The following RANBP2 variants were observed in gnomAD, a reference collection of about 807,000 sequenced individuals.
The protein encoded by RANBP2 is E3 SUMO-protein ligase RanBP2.
In RANBP2, 57 loss-of-function variants were observed where a neutral mutation model predicts 303.6. That is an observed-to-expected ratio of 0.19 (90% CI 0.15 to 0.23). The LOEUF (loss-of-function observed/expected upper bound fraction) is 0.23, where lower values mean the gene tolerates loss of function less well. RANBP2 is among the 10% of genes least tolerant of loss of function. RANBP2 has a pLI of 1.00. For synonymous variants in RANBP2, 1,167 were observed against 1,301.5 expected, an observed-to-expected ratio of 0.90 and a Z score of 2.23; for missense variants, 3,138 against 3,780.8, an observed-to-expected ratio of 0.83 and a Z score of 4.46.
At chr2:109,695,378 A>G in the RANBP2 span, among the ~76,000 whole-genome samples, 4 of 152,260 alleles carry the variant, frequency 2.6e-5, no homozygotes, top group Middle Eastern at 6.8e-3. Flanking sequence ...TTGGATACTA[A>G]TTTTGAGACT....
chr2:109,614,100 C>T, the RANBP2 span: 1 of 1,210,404 alleles, frequency 8.3e-7, no homozygotes, highest in Non-Finnish European at 1.0e-6. Flanking sequence ...GACTGAGCGT[C>T]AGCGTTGGGG....
the RANBP2 span, among the ~76,000 whole-genome samples, chr2:109,399,916 C>G: frequency 6.6e-6 from 1 of 152,188 alleles, no homozygotes; most frequent in African/African-American, 2.4e-5. Context: ...GTGCCCACTC[C>G]ATTTCTCCCT....
chr2:109,136,702 A>T, the RANBP2 span, among the ~76,000 whole-genome samples: 357 of 152,298 alleles, frequency 2.3e-3, 10 homozygotes, highest in South Asian at 0.03. Context: ...GCAAACGAAG[A>T]TATGATGGTA....
chr2:109,147,581 A>G, the RANBP2 span, among the ~76,000 whole-genome samples: 2 of 152,230 alleles, frequency 1.3e-5, no homozygotes, highest in African/African-American at 2.4e-5. Flanking sequence ...GGCCTAGTCA[A>G]TTATTCAGGA....
chr2:109,691,118 A>C, the RANBP2 span, among the ~76,000 whole-genome samples: 1 of 152,206 alleles, frequency 6.6e-6, no homozygotes, highest in Non-Finnish European at 1.5e-5. Flanking sequence ...CTTGAGGCTA[A>C]AAATACGTAG....
At chr2:109,441,132 C>CAAAAAAAAAA in the RANBP2 span, among the ~76,000 whole-genome samples, 151 of 134,004 alleles carry the variant, frequency 1.1e-3, no homozygotes, top group African/African-American at 2.7e-3. Flanking sequence ...TATAGGAATA[C>CAAAAAAAAAA]AAAAAAAAAA....
the RANBP2 span, among the ~76,000 whole-genome samples, chr2:109,059,317 T>C: frequency 6.6e-6 from 1 of 152,146 alleles, no homozygotes; most frequent in Non-Finnish European, 1.5e-5. Context: ...GGCTCACGCC[T>C]GTAATCCCAA....
At chr2:109,698,480 CATAA>C in the RANBP2 span, among the ~76,000 whole-genome samples, 1 of 149,910 alleles carries the variant, frequency 6.7e-6, no homozygotes, top group Non-Finnish European at 1.5e-5. Flanking sequence ...AAAAAAAATA[CATAA>C]ATAAATAAAT....
the RANBP2 span, among the ~76,000 whole-genome samples, chr2:109,234,742 G>C: frequency 6.6e-6 from 1 of 152,322 alleles, no homozygotes; most frequent in Non-Finnish European, 1.5e-5. Flanking sequence ...CTGTGTGGGA[G>C]CAGCACACAC....
At chr2:109,035,845 A>G in the RANBP2 span, among the ~76,000 whole-genome samples, 1 of 152,210 alleles carries the variant, frequency 6.6e-6, no homozygotes, top group African/African-American at 2.4e-5. Flanking sequence ...ACTTCTTAAC[A>G]TCATAAACAC....
chr2:109,312,319 C>G, the RANBP2 span, among the ~76,000 whole-genome samples: 5 of 152,290 alleles, frequency 3.3e-5, no homozygotes, highest in East Asian at 9.7e-4. Context: ...TGGCTTGCTC[C>G]TCTTTCTAAT....
At chr2:109,280,140 A>G in the RANBP2 span, among the ~76,000 whole-genome samples, 1 of 152,104 alleles carries the variant, frequency 6.6e-6, no homozygotes, top group Non-Finnish European at 1.5e-5. Context: ...TCTTGCTGCA[A>G]TGCTGTCAGA....
the RANBP2 span, among the ~76,000 whole-genome samples, chr2:108,927,708 C>T: frequency 6.6e-6 from 1 of 152,134 alleles, no homozygotes; most frequent in Non-Finnish European, 1.5e-5. Context: ...TGGATCTCTG[C>T]CTGGAGGTTC....
the RANBP2 span, among the ~76,000 whole-genome samples, chr2:109,554,579 T>C: frequency 6.6e-6 from 1 of 152,174 alleles, no homozygotes; most frequent in Non-Finnish European, 1.5e-5. Context: ...GCTTACAGCT[T>C]TGGGATGAAG....
chr2:109,396,753 C>T, the RANBP2 span, among the ~76,000 whole-genome samples: 1 of 151,998 alleles, frequency 6.6e-6, no homozygotes, highest in Non-Finnish European at 1.5e-5. Context: ...GCCTCACATG[C>T]AAGGGCTTAG....
chr2:109,527,337 G>A, the RANBP2 span, among the ~76,000 whole-genome samples: 2 of 152,218 alleles, frequency 1.3e-5, no homozygotes, highest in Non-Finnish European at 2.9e-5. Context: ...GCAGAACATG[G>A]TATGTTAGGA....
chr2:109,217,407 C>CTTGA, the RANBP2 span, among the ~76,000 whole-genome samples: 1 of 152,238 alleles, frequency 6.6e-6, no homozygotes, highest in African/African-American at 2.4e-5. Flanking sequence ...TCACCCTGAT[C>CTTGA]TTGACCTTAG....
the RANBP2 span, among the ~76,000 whole-genome samples, chr2:109,497,162 T>C: frequency 0.26 from 39,208 of 152,200 alleles, 5,410 homozygotes; most frequent in East Asian, 0.5. Flanking sequence ...TCATTCGTTA[T>C]AGCCATAAAC....
At chr2:109,124,630 T>C in the RANBP2 span, 1 of 152,208 alleles carries the variant, frequency 6.6e-6, no homozygotes, top group Non-Finnish European at 1.5e-5. Context: ...TTTTAAAAAT[T>C]GTCAGAAAAT....
Sources: gnomAD v4.1 joint callset for allele counts (sites outside exome capture counted in the v4.1 genomes callset) on GRCh38, gnomAD v4.1.1 for gene constraint, MANE v1.5 for transcripts, NCBI Gene and HGNC (gene_info 2026-07-23, HGNC 2026-07-21) for gene names.